The following DAB1 variants were observed in gnomAD, a reference collection of about 807,000 sequenced individuals.
The protein encoded by DAB1 is disabled homolog 1.
Under a neutral mutation model 64.6 loss-of-function variants are expected in DAB1, and 15 were observed. The observed-to-expected ratio is 0.23, with a 90% confidence interval of 0.16 to 0.36. The LOEUF is 0.36. Ranked by LOEUF, DAB1 falls within the 10% of genes least tolerant of loss-of-function variation. The pLI is 1.00. For missense variants in DAB1, 596 were observed against 706.7 expected (o/e 0.84, Z 1.78); for synonymous variants, 235 against 251.9 (o/e 0.93, Z 0.64).
At chr1:57,435,848 T>G (rs1443010417) in intron 7 of DAB1, among the ~76,000 whole-genome samples, 2 of 151,960 alleles carry the variant, frequency 1.3e-5, no homozygotes, top group Non-Finnish European at 2.9e-5. Flanking sequence ...AGAAACATAG[T>G]CATTTATTAT....
rs573882676 is a variant in DAB1 at position 58,519,192 on chromosome 1, C to T, written n.107+8069G>A. 2.6e-5 allele frequency among the ~76,000 whole-genome samples: 4 copies of T among 152,286 alleles called. No homozygotes were observed. The South Asian group carries it at 6.2e-4, about 24-fold the overall frequency. On this transcript the variant is annotated intron_variant and non_coding_transcript_variant, in intron 2 of 20. Coordinates refer to the DAB1 transcript ENST00000485760. ...CACAATGAATGGGAAAACCCTACTC[C>T]CTTTTCCACTGCCAATCCTCAAACA...
chr1:57,651,836 T>G (rs1398758283), intron 6 of DAB1, among the ~76,000 whole-genome samples: 1 of 152,220 alleles, frequency 6.6e-6, no homozygotes, highest in Non-Finnish European at 1.5e-5. Flanking sequence ...TCATATTTGT[T>G]GTTAGTGAAA....
intron 6 of DAB1, among the ~76,000 whole-genome samples, chr1:57,775,561 T>A (rs1478986447): frequency 6.6e-6 from 1 of 151,458 alleles, no homozygotes; most frequent in Non-Finnish European, 1.5e-5. Context: ...GAAAAAAAAA[T>A]TGATTTTTAA....
intron 14 of DAB1, among the ~76,000 whole-genome samples, chr1:57,007,366 G>A (rs575351421): frequency 2.1e-4 from 32 of 152,014 alleles, no homozygotes; most frequent in Non-Finnish European, 3.2e-4. Flanking sequence ...CTAACATTTC[G>A]TCCTCAAAAT....
chr1:57,059,594 G>T (rs1170190642), intron 9 of DAB1, among the ~76,000 whole-genome samples: 1 of 152,098 alleles, frequency 6.6e-6, no homozygotes, highest in Non-Finnish European at 1.5e-5. Context: ...AGAGAGGCAG[G>T]TCTACTAGGG....
chr1:57,362,449 A>G (rs1679632318), intron 1 of DAB1, among the ~76,000 whole-genome samples: 1 of 152,226 alleles, frequency 6.6e-6, no homozygotes, highest in Non-Finnish European at 1.5e-5. Context: ...TTCATGTTTA[A>G]CTATAAACTG....
intron 3 of DAB1, among the ~76,000 whole-genome samples, chr1:58,428,986 T>C (rs1384668665): frequency 2.0e-5 from 3 of 152,236 alleles, no homozygotes; most frequent in Admixed American, 1.3e-4. Flanking sequence ...CGTTCAATCT[T>C]GATCTGGGTG....
intron 1 of DAB1, chr1:58,533,949 T>G: frequency 1.1e-6 from 1 of 872,074 alleles, no homozygotes; most frequent in Non-Finnish European, 2.0e-6. Flanking sequence ...TTTTAGGTAC[T>G]TACAGCATGC....
At chr1:58,447,235 A>T (rs1645077615) in intron 3 of DAB1, among the ~76,000 whole-genome samples, 1 of 152,186 alleles carries the variant, frequency 6.6e-6, no homozygotes, top group South Asian at 2.1e-4. Flanking sequence ...GAATAGTAGC[A>T]AGGGGTGGCG....
At chr1:58,391,977 C>T (rs1230357966) in intron 3 of DAB1, among the ~76,000 whole-genome samples, 1 of 152,182 alleles carries the variant, frequency 6.6e-6, no homozygotes, top group Admixed American at 6.6e-5. Flanking sequence ...TCTTGAAATA[C>T]CAGAATGAGT....
At chr1:57,382,202 C>T (rs1009643370) in intron 1 of DAB1, among the ~76,000 whole-genome samples, 2 of 152,072 alleles carry the variant, frequency 1.3e-5, no homozygotes, top group African/African-American at 4.8e-5. Context: ...ACACTCTCAC[C>T]CAACAGCAAG....
intron 4 of DAB1, among the ~76,000 whole-genome samples, chr1:57,099,344 G>A (rs1185156472): frequency 6.6e-6 from 1 of 152,248 alleles, no homozygotes; most frequent in African/African-American, 2.4e-5. Flanking sequence ...TGATGTCTGA[G>A]CAAAAATAAA....
At chr1:57,664,807 T>A (rs1367669880) in intron 6 of DAB1, among the ~76,000 whole-genome samples, 1 of 152,000 alleles carries the variant, frequency 6.6e-6, no homozygotes. Flanking sequence ...TTTCTTAACA[T>A]TTTAAGCAGA....
At chr1:58,057,280 C>G (rs1648184162) in intron 5 of DAB1, among the ~76,000 whole-genome samples, 1 of 152,092 alleles carries the variant, frequency 6.6e-6, no homozygotes, top group Non-Finnish European at 1.5e-5. Flanking sequence ...CTCCCCTTGG[C>G]CACCCCCATT....
intron 3 of DAB1, among the ~76,000 whole-genome samples, chr1:58,453,841 T>A (rs1416743209): frequency 6.6e-6 from 1 of 151,952 alleles, no homozygotes; most frequent in East Asian, 1.9e-4. Flanking sequence ...GAGAGAAAAC[T>A]GAGGAGAGTC....
chr1:57,591,756 T>C (rs1645448008), intron 7 of DAB1, among the ~76,000 whole-genome samples: 1 of 152,214 alleles, frequency 6.6e-6, no homozygotes, highest in Admixed American at 6.5e-5. Flanking sequence ...AATTTATTAT[T>C]TTTTGCCACT....
At chr1:58,055,990 G>A (rs747917023) in intron 5 of DAB1, 26 of 655,684 alleles carry the variant, frequency 4.0e-5, no homozygotes, top group Admixed American at 7.6e-5. Flanking sequence ...CGCCTGCCTC[G>A]GCCTCACACA....
chr1:57,003,301 G>A (rs976602738), intron 14 of DAB1, among the ~76,000 whole-genome samples: 1 of 152,124 alleles, frequency 6.6e-6, no homozygotes, highest in African/African-American at 2.4e-5. Flanking sequence ...AGTAATAATG[G>A]TATATCTCTA....
chr1:58,366,409 A>T (rs1644217886), intron 3 of DAB1, among the ~76,000 whole-genome samples: 1 of 152,216 alleles, frequency 6.6e-6, no homozygotes, highest in Non-Finnish European at 1.5e-5. Context: ...TTTATGGTGC[A>T]TTGGAATGGC....
Sources: gnomAD v4.1 joint callset for allele counts (sites outside exome capture counted in the v4.1 genomes callset) on GRCh38, gnomAD v4.1.1 for gene constraint, MANE v1.5 for transcripts, NCBI Gene and HGNC (gene_info 2026-07-23, HGNC 2026-07-21) for gene names.